SAP30BP: variants seen among roughly 807,000 people sequenced by gnomAD.
The protein encoded by SAP30BP is SAP30-binding protein.
SAP30BP carries 31 observed loss-of-function variants against 46.3 expected under a neutral mutation model. That is an observed-to-expected ratio of 0.67 (90% CI 0.50 to 0.90). The LOEUF (loss-of-function observed/expected upper bound fraction) is 0.90. SAP30BP is among the 40% of genes least tolerant of loss of function. The pLI is 0.00. For missense variants in SAP30BP, 312 were observed against 391.0 expected, an observed-to-expected ratio of 0.80 and a Z score of 1.70; for synonymous variants, 169 against 144.2, an observed-to-expected ratio of 1.17 and a Z score of -1.23.
chr17:75,683,058 T>A (rs1420534043), intron 3 of SAP30BP, among the ~76,000 whole-genome samples: 11 of 148,920 alleles, frequency 7.4e-5, no homozygotes, highest in African/African-American at 2.7e-4. Context: ...TTATTTATTT[T>A]TTTTGAGACA....
chr17:75,705,556 T>A, intron 9 of SAP30BP: 1 of 954,054 alleles, frequency 1.0e-6, no homozygotes, highest in South Asian at 4.1e-5. Context: ...TTCTCATTCT[T>A]AACCCTTGAT....
intron 3 of SAP30BP, among the ~76,000 whole-genome samples, chr17:75,683,282 A>C (rs2060111858): frequency 6.6e-6 from 1 of 151,590 alleles, no homozygotes; most frequent in Non-Finnish European, 1.5e-5. Flanking sequence ...CCTGACCTCA[A>C]ATGATCTGCC....
intron 1 of SAP30BP, 51 bp from the exon 2 acceptor site, chr17:75,668,465 T>C (rs113198262): frequency 7.5e-5 from 87 of 1,161,354 alleles, no homozygotes; most frequent in Middle Eastern, 4.0e-4. Flanking sequence ...TTGTAACTCT[T>C]GTTTTTTTTT....
intron 3 of SAP30BP, among the ~76,000 whole-genome samples, chr17:75,681,039 AAAG>A (rs1298311076): frequency 6.6e-6 from 1 of 152,226 alleles, no homozygotes; most frequent in Non-Finnish European, 1.5e-5. Context: ...TGTCTGAAAA[AAAG>A]AAGAAAAAAT....
chr17:75,695,950 C>T (rs943761866), intron 4 of SAP30BP, among the ~76,000 whole-genome samples: 3 of 152,188 alleles, frequency 2.0e-5, no homozygotes, highest in Non-Finnish European at 4.4e-5. Context: ...GGAGATACTC[C>T]ACCGTCCCCT....
At position 75,706,291 on chromosome 17, in the gene SAP30BP, G is replaced by C. The variant is rs1259579181; in HGVS notation, c.746-49G>C. On this transcript the variant is annotated intron_variant, in intron 10 of 10. Transcript: ENST00000584667. The surrounding 1 kb of genome is among the most constrained non-coding windows in gnomAD (Gnocchi z 4.6). ...TGGCCTGCAGGGGGAAGGGAAAGAG[G>C]GCACCGCTCATTGGTGGATCGTGAT... is the stretch of plus-strand genomic sequence containing the variant. 6.3e-7 allele frequency: 1 copy of C among 1,584,418 alleles called. No homozygotes were observed. The highest frequency in any genetic ancestry group is 1.1e-5 in the South Asian group (1 of 89,962).
chr17:75,678,839 A>G (rs2060031878), intron 3 of SAP30BP, among the ~76,000 whole-genome samples: 2 of 152,140 alleles, frequency 1.3e-5, no homozygotes, highest in South Asian at 2.1e-4. Context: ...GGGAAAGGCT[A>G]AGGCAGCCTG....
intron 4 of SAP30BP, among the ~76,000 whole-genome samples, chr17:75,698,748 C>G (rs899969627): frequency 6.6e-6 from 1 of 152,218 alleles, no homozygotes. Context: ...AGTGACTTCA[C>G]CTTGGTAGCT....
At position 75,706,232 on chromosome 17, in the gene SAP30BP, G is replaced by A; in HGVS notation, c.746-108G>A. 6.5e-7 allele frequency: 1 copy of A among 1,541,872 alleles called. No individual in the cohort carries two copies. Among genetic ancestry groups the A allele is most frequent in the Non-Finnish European group, 8.8e-7 (1 of 1,138,838 alleles). ...GAGAAGCACCTTTGGAGTCTGGGGT[G>A]GGCCACTTCGGGGTCTGCTCCCTAG... On this transcript the variant is annotated intron_variant, in intron 10 of 10. Coordinates refer to ENST00000584667, the MANE Select transcript of SAP30BP (RefSeq NM_013260.8). This position sits in a 1 kb window ranked among gnomAD's most constrained non-coding sequence, Gnocchi z 4.6.
At position 75,706,281 on chromosome 17, in the gene SAP30BP, A is replaced by T; in HGVS notation, c.746-59A>T. On this transcript the variant is annotated intron_variant, in intron 10 of 10. Coordinates refer to ENST00000584667, the MANE Select transcript of SAP30BP (RefSeq NM_013260.8). The surrounding 1 kb of genome is among the most constrained non-coding windows in gnomAD (Gnocchi z 4.6). ...AGACTCCCGCTGGCCTGCAGGGGGA[A>T]GGGAAAGAGGGCACCGCTCATTGGT... 1 of 1,569,938 alleles carries T rather than the reference A, an allele frequency of 6.4e-7. No individual in the cohort carries two copies. The highest frequency in any genetic ancestry group is 2.2e-5 in the East Asian group (1 of 44,568).
chr17:75,684,927 C>T (rs1370006022), intron 3 of SAP30BP: 2 of 152,230 alleles, frequency 1.3e-5, no homozygotes, highest in African/African-American at 4.8e-5. Context: ...CTGGTAGAAG[C>T]GCTGGTAGTT....
chr17:75,672,278 G>T (rs1021106094), intron 3 of SAP30BP: 9 of 185,822 alleles, frequency 4.8e-5, no homozygotes, highest in Non-Finnish European at 8.1e-5. Context: ...GAGGCTATAA[G>T]AAGGTCAGAC....
At chr17:75,692,275 C>T in intron 3 of SAP30BP, 4 of 985,570 alleles carry the variant, frequency 4.1e-6, no homozygotes, top group Non-Finnish European at 4.8e-6. Flanking sequence ...CTTTTGGAGC[C>T]GTGGCGTGGT....
At chr17:75,672,092 C>T (rs961482793) in intron 3 of SAP30BP, 14 of 534,024 alleles carry the variant, frequency 2.6e-5, no homozygotes, top group Non-Finnish European at 3.4e-6. Context: ...GCCATATCTC[C>T]TGACTAGAAA....
chr17:75,681,499 C>T (rs2060076001), intron 3 of SAP30BP, among the ~76,000 whole-genome samples: 1 of 152,214 alleles, frequency 6.6e-6, no homozygotes, highest in African/African-American at 2.4e-5. Context: ...CCTCTCAACT[C>T]CTTCCCACTG....
chr17:75,695,926 G>T (rs937820394), intron 4 of SAP30BP, among the ~76,000 whole-genome samples: 3 of 152,158 alleles, frequency 2.0e-5, no homozygotes, highest in African/African-American at 7.2e-5. Context: ...GGTTCTCTCT[G>T]TCACTCAGGA....
At chr17:75,704,609 G>A in intron 8 of SAP30BP, 147 bp from the exon 9 acceptor site, 1 of 691,820 alleles carries the variant, frequency 1.4e-6, no homozygotes, top group Non-Finnish European at 2.6e-6. Flanking sequence ...TGCCGACCAA[G>A]GGCTGGCTTC....
In SAP30BP at chr17:75,703,358, C is replaced by A. The variant is rs748144575; in HGVS notation, c.536C>A (p.Thr179Asn). Residue 179 changes from threonine (T) to asparagine (N), a missense_variant, in exon 7 of 11, where the codon ACC becomes AAC. Coordinates refer to ENST00000584667, the MANE Select transcript of SAP30BP (RefSeq NM_013260.8). ...IQFCAIDELG[T>N]NYPKDMFDPH... The stretch of plus-strand genomic sequence containing the variant: ...TTCTGTGCCATTGACGAGCTTGGCA[C>A]CAACTACCCAAAGGTGCGTCTGGCA... The A allele has an allele frequency of 2.5e-6, 4 of 1,613,948 alleles. No individual in the cohort carries two copies. The South Asian group carries it at 4.4e-5, about 18-fold the overall frequency.
At chr17:75,697,303 G>A (rs1174579781) in intron 4 of SAP30BP, among the ~76,000 whole-genome samples, 1 of 152,296 alleles carries the variant, frequency 6.6e-6, no homozygotes, top group African/African-American at 2.4e-5. Flanking sequence ...TGTTGTTGCT[G>A]CTTGTGAGAT....
Sources: allele counts gnomAD v4.1 joint callset (sites outside exome capture counted in the v4.1 genomes callset), GRCh38; gene constraint gnomAD v4.1.1; non-coding constraint Gnocchi (gnomAD v3.1); transcripts MANE v1.5; gene names NCBI Gene and HGNC (gene_info 2026-07-23, HGNC 2026-07-21).